LPP: variants seen among roughly 807,000 people sequenced by gnomAD.
LPP encodes the protein lipoma-preferred partner.
In LPP, 38 loss-of-function variants were observed where a neutral mutation model predicts 60.4. That is an observed-to-expected ratio of 0.63 (90% confidence interval 0.49 to 0.83). The LOEUF is 0.83. LPP is among the 40% of genes least tolerant of loss of function. LPP has a pLI of 0.00. For missense variants in LPP, 902 were observed against 783.6 expected (o/e 1.15, Z -1.80); for synonymous variants, 328 against 290.8 (o/e 1.13, Z -1.30).
chr3:188,525,965 ACTGCTAGTGATCATTCC>A (rs1319284447), intron 6 of LPP, among the ~76,000 whole-genome samples: 1 of 152,174 alleles, frequency 6.6e-6, no homozygotes, highest in Non-Finnish European at 1.5e-5. Flanking sequence ...CTGATCTTCC[ACTGCTAGTGATCATTCC>A]CTGCCTCTCT....
At chr3:188,349,186 T>G (rs1404849288) in intron 3 of LPP, among the ~76,000 whole-genome samples, 3 of 152,120 alleles carry the variant, frequency 2.0e-5, no homozygotes, top group African/African-American at 7.2e-5. Context: ...AGGGGAAGAA[T>G]TTTTTTAAAA....
At chr3:188,615,324 T>A (rs1844643076) in intron 7 of LPP, among the ~76,000 whole-genome samples, 1 of 152,306 alleles carries the variant, frequency 6.6e-6, no homozygotes, top group African/African-American at 2.4e-5. Context: ...TCTACACATC[T>A]AAAAGTGACC....
chr3:188,836,085 GTAGGA>G (rs1758378958), intron 9 of LPP, among the ~76,000 whole-genome samples: 1 of 152,124 alleles, frequency 6.6e-6, no homozygotes, highest in Non-Finnish European at 1.5e-5. Context: ...GTCCAGAATT[GTAGGA>G]TCATGTTTGG....
intron 6 of LPP, among the ~76,000 whole-genome samples, chr3:188,555,187 GAAAGA>G (rs1829181589): frequency 6.6e-6 from 1 of 152,124 alleles, no homozygotes; most frequent in Non-Finnish European, 1.5e-5. Context: ...GCATTTTTAA[GAAAGA>G]GTGAAGTAGC....
At chr3:188,262,856 T>C (rs893285935) in intron 2 of LPP, among the ~76,000 whole-genome samples, 5 of 151,808 alleles carry the variant, frequency 3.3e-5, no homozygotes, top group Non-Finnish European at 7.4e-5. Flanking sequence ...TGGTAATCTG[T>C]GCTCGAACCC....
intron 9 of LPP, among the ~76,000 whole-genome samples, chr3:188,828,081 G>A (rs1756059133): frequency 6.6e-6 from 1 of 151,984 alleles, no homozygotes; most frequent in Non-Finnish European, 1.5e-5. Context: ...CTGTGTCCTA[G>A]GCACCACTTT....
At chr3:188,364,139 C>T (rs1770399754) in intron 3 of LPP, among the ~76,000 whole-genome samples, 1 of 152,140 alleles carries the variant, frequency 6.6e-6, no homozygotes, top group Non-Finnish European at 1.5e-5. Flanking sequence ...TTTGGGGATT[C>T]AGAGTTATTA....
At chr3:188,511,243 A>C (rs112944792) in intron 5 of LPP, among the ~76,000 whole-genome samples, 889 of 14,260 alleles carry the variant, frequency 0.062, no homozygotes, top group Non-Finnish European at 0.066. Context: ...TCCCTCCCTC[A>C]CTCCCTTCCC....
Position 188,445,954 on chromosome 3 carries a change from A to G in LPP, c.194-38638A>G, listed in dbSNP as rs562642519. Among the ~76,000 whole-genome samples the G allele has an allele frequency of 1.7e-4, 26 of 152,336 alleles. No homozygotes were observed. In the South Asian group the frequency reaches 5.2e-3, roughly 30 times the overall value. ...CATTTTTAAGGTCTCTCTTCTTAGA[A>G]TAAATTATTTTATTTGTTTCTTCCG... On this transcript the variant is annotated intron_variant, in intron 4 of 11. Transcript: ENST00000617246.
Position 188,329,086 on chromosome 3 carries a change from A to G in LPP, c.-66-12577A>G, listed in dbSNP as rs572541644. Among the ~76,000 whole-genome samples the G allele has an allele frequency of 5.0e-4, 76 of 152,258 alleles. 1 individual carries two copies. The highest frequency in any genetic ancestry group is 1.8e-3 in the African/African-American group (74 of 41,540). On this transcript the variant is annotated intron_variant, in intron 2 of 11. Coordinates refer to ENST00000617246, the MANE Select transcript of LPP (RefSeq NM_001375462.1). ...AACGGCTTCTTAGTATGATTATGAA[A>G]ATAATTTTGAACTTGTGGACTCTTG... is the stretch of plus-strand genomic sequence containing the variant.
At chr3:188,659,810 G>GCGCACACACACA (rs1553784058) in intron 7 of LPP, among the ~76,000 whole-genome samples, 1 of 128,482 alleles carries the variant, frequency 7.8e-6, no homozygotes, top group African/African-American at 2.7e-5. Context: ...TAGATCCTAT[G>GCGCACACACACA]CACACACACA....
At chr3:188,153,430 A>G (rs1715100139), upstream of LPP, 1 of 152,300 alleles carries the variant, frequency 6.6e-6, no homozygotes, top group Non-Finnish European at 1.5e-5. Context: ...AGGGGATTTC[A>G]TGGCTGGATC....
intron 2 of LPP, among the ~76,000 whole-genome samples, chr3:188,310,272 A>G (rs1414326233): frequency 7.0e-6 from 1 of 143,718 alleles, no homozygotes; most frequent in African/African-American, 2.6e-5. Flanking sequence ...CTTTTGGGAT[A>G]TTACAAGAAA....
chr3:188,240,817 A>C (rs1724297004), intron 2 of LPP, among the ~76,000 whole-genome samples: 1 of 152,164 alleles, frequency 6.6e-6, no homozygotes, highest in East Asian at 1.9e-4. Context: ...GAGCAGACAC[A>C]CGAGCAGAGA....
chr3:188,251,787 A>G (rs1413452505), intron 2 of LPP, among the ~76,000 whole-genome samples: 1 of 151,750 alleles, frequency 6.6e-6, no homozygotes, highest in Non-Finnish European at 1.5e-5. Context: ...CCCAATGGTC[A>G]TTATGTTCAT....
At chr3:188,442,377 A>G (rs1269600220) in intron 4 of LPP, among the ~76,000 whole-genome samples, 1 of 152,144 alleles carries the variant, frequency 6.6e-6, no homozygotes, top group East Asian at 1.9e-4. Context: ...TGCGGTCAAC[A>G]TAACTTTTAA....
At chr3:188,556,120 C>G (rs994798898) in intron 6 of LPP, among the ~76,000 whole-genome samples, 4 of 152,092 alleles carry the variant, frequency 2.6e-5, no homozygotes, top group African/African-American at 7.2e-5. Context: ...GGATCTAGAT[C>G]TTAGTTGAGG....
chr3:188,853,742 A>G (rs140469141), intron 9 of LPP, among the ~76,000 whole-genome samples: 16 of 152,308 alleles, frequency 1.1e-4, no homozygotes, highest in African/African-American at 2.4e-4. Flanking sequence ...CTTTCCTTTG[A>G]TAGTAAACAT....
chr3:188,590,403 C>T (rs6444308), intron 6 of LPP, among the ~76,000 whole-genome samples: 150,369 of 152,178 alleles, frequency 0.99, 74,313 homozygotes, highest in Middle Eastern at 1. Flanking sequence ...TGAAACCCTG[C>T]CTCTACTAAA....
Sources: gnomAD v4.1 joint callset for allele counts (sites outside exome capture counted in the v4.1 genomes callset) on GRCh38, gnomAD v4.1.1 for gene constraint, MANE v1.5 for transcripts, NCBI Gene and HGNC (gene_info 2026-07-23, HGNC 2026-07-21) for gene names.